Variants in KCNK10 observed in about 807,000 individuals in gnomAD.
KCNK10 encodes potassium two pore domain channel subfamily K member 10.
A neutral mutation model predicts 47.7 loss-of-function variants in KCNK10; 25 were observed. The observed-to-expected ratio is 0.52, with a 90% CI of 0.38 to 0.73. The LOEUF (loss-of-function observed/expected upper bound fraction) is 0.73. Ranked by LOEUF, KCNK10 falls within the 30% of genes least tolerant of loss-of-function variation. KCNK10 has a pLI of 0.00. For synonymous variants in KCNK10, 303 were observed against 285.6 expected (o/e 1.06, Z -0.61); for missense variants, 563 against 714.5 (o/e 0.79, Z 2.42).
intron 1 of KCNK10, among the ~76,000 whole-genome samples, chr14:88,275,266 A>G (rs1038941405): frequency 1.3e-5 from 2 of 149,680 alleles, no homozygotes; most frequent in African/African-American, 2.5e-5. Flanking sequence ...TCCACTTCCT[A>G]CTCTTCCCCG....
chr14:88,250,345 G>A (rs531888624), intron 2 of KCNK10, among the ~76,000 whole-genome samples: 6 of 152,266 alleles, frequency 3.9e-5, no homozygotes, highest in South Asian at 2.1e-4. Context: ...CATCTTTTGC[G>A]TGACTGCCTT....
intron 1 of KCNK10, among the ~76,000 whole-genome samples, chr14:88,309,087 C>G (rs1338730026): frequency 6.6e-6 from 1 of 152,192 alleles, no homozygotes; most frequent in Non-Finnish European, 1.5e-5. Flanking sequence ...GCTGTACCTC[C>G]AGGGCCTACA....
Position 88,300,051 on chromosome 14 carries a change from C to T in KCNK10, c.52+22696G>A, listed in dbSNP as rs531223643. Among the ~76,000 whole-genome samples, 14 of 152,270 alleles carry T rather than the reference C, an allele frequency of 9.2e-5. No homozygotes were observed. The South Asian group carries it at 1.9e-3, about 20-fold the overall frequency. On this transcript the variant is annotated intron_variant, in intron 1 of 6. Coordinates refer to ENST00000319231, the MANE Select transcript of KCNK10 (RefSeq NM_138317.3). ...GTACTCAGAAACCCCAAATAGCTCC[C>T]GGCCAGCCTAATCTCACTTCCTCTA...
chr14:88,203,862 G>A lies in KCNK10; in HGVS notation c.682-11452C>T, dbSNP rs909045864. Among the ~76,000 whole-genome samples the A allele has an allele frequency of 3.9e-5, 6 of 152,176 alleles. 1 individual carries two copies. In the South Asian group the frequency reaches 6.2e-4, roughly 16 times the overall value. ...AAGGCACAGGCTGTGGCCAGGACACGGTGACAACCCCTGCCAGTACCCGAG... is the reference window on the plus strand; with the variant it reads ...AAGGCACAGGCTGTGGCCAGGACACAGTGACAACCCCTGCCAGTACCCGAG... On this transcript the variant is annotated intron_variant, in intron 4 of 6. Coordinates refer to ENST00000319231, the MANE Select transcript of KCNK10 (RefSeq NM_138317.3).
At chr14:88,231,590 T>A (rs756901250) in intron 3 of KCNK10, among the ~76,000 whole-genome samples, 9 of 152,190 alleles carry the variant, frequency 5.9e-5, no homozygotes, top group Non-Finnish European at 1.2e-4. Flanking sequence ...GAAGTGAGCA[T>A]CATTCATCCA....
intron 1 of KCNK10, among the ~76,000 whole-genome samples, chr14:88,292,601 TC>T (rs1449385995): frequency 1.3e-5 from 2 of 152,090 alleles, no homozygotes; most frequent in Non-Finnish European, 2.9e-5. Context: ...TGTACCCACC[TC>T]GGCCTCCCAG....
chr14:88,263,761 T>TA (rs375830630), intron 1 of KCNK10, among the ~76,000 whole-genome samples: 1,461 of 145,328 alleles, frequency 0.01, 9 homozygotes, highest in African/African-American at 0.023. Context: ...GGTCCCAGTT[T>TA]AAAAAAAAAA....
intron 1 of KCNK10, chr14:88,271,016 C>G (rs1419267742): frequency 1.5e-5 from 9 of 590,488 alleles, no homozygotes; most frequent in Admixed American, 1.5e-4. Context: ...CCAGCAGCAC[C>G]CAGACCCGCT....
chr14:88,318,081 C>T (rs1686520937), intron 1 of KCNK10, among the ~76,000 whole-genome samples: 1 of 152,210 alleles, frequency 6.6e-6, no homozygotes, highest in African/African-American at 2.4e-5. Context: ...AGAAGGAAAA[C>T]AGCGCACTGG....
intron 2 of KCNK10, among the ~76,000 whole-genome samples, chr14:88,241,464 A>T (rs1886465334): frequency 1.3e-5 from 2 of 152,206 alleles, no homozygotes; most frequent in South Asian, 4.2e-4. Context: ...AACAGTAGCC[A>T]ATTTCATGAT....
intron 2 of KCNK10, among the ~76,000 whole-genome samples, chr14:88,257,235 T>C (rs541632418): frequency 6.6e-6 from 1 of 152,314 alleles, no homozygotes; most frequent in South Asian, 2.1e-4. Context: ...TAAAAGGTTT[T>C]TTCAGCAGCC....
At chr14:88,301,798 G>A (rs996678539) in intron 1 of KCNK10, among the ~76,000 whole-genome samples, 9 of 151,230 alleles carry the variant, frequency 6.0e-5, no homozygotes, top group Middle Eastern at 3.4e-3. Flanking sequence ...CAGCACTCAG[G>A]GTGCTGCAGG....
chr14:88,311,383 C>T (rs1888325761), intron 1 of KCNK10, among the ~76,000 whole-genome samples: 1 of 152,162 alleles, frequency 6.6e-6, no homozygotes, highest in Admixed American at 6.5e-5. Flanking sequence ...CCCTACATGA[C>T]CTGAGCATCA....
At chr14:88,313,608 A>G (rs552486797) in intron 1 of KCNK10, among the ~76,000 whole-genome samples, 8 of 152,290 alleles carry the variant, frequency 5.3e-5, no homozygotes, top group African/African-American at 1.7e-4. Context: ...TGCAAGTCAC[A>G]TGAGCACACC....
intron 2 of KCNK10, among the ~76,000 whole-genome samples, chr14:88,246,451 A>C (rs1886644491): frequency 6.6e-6 from 1 of 152,220 alleles, no homozygotes; most frequent in South Asian, 2.1e-4. Context: ...TTTATGGCCG[A>C]AGAGCCTCGG....
intron 2 of KCNK10, among the ~76,000 whole-genome samples, chr14:88,255,594 A>G (rs1886930729): frequency 6.6e-6 from 1 of 152,044 alleles, no homozygotes; most frequent in South Asian, 2.1e-4. Flanking sequence ...TCCCACAGAC[A>G]GACAGTGTCC....
Position 88,180,233 on chromosome 14 carries a change from C to T in KCNK10, c.*5302G>A, listed in dbSNP as rs1025599681. On this transcript the variant is annotated 3_prime_UTR_variant, in exon 7 of 7. Transcript: ENST00000319231. ...CACAAGCAAATTTGTTTTGTACTTTCCCTAAGAACATTATGAAATCTCCCT... is the reference window on the plus strand; with the variant it reads ...CACAAGCAAATTTGTTTTGTACTTTTCCTAAGAACATTATGAAATCTCCCT... 6.6e-6 allele frequency: 1 copy of T among 152,310 alleles called. No individual in the cohort carries two copies. The highest frequency in any genetic ancestry group is 2.4e-5 in the African/African-American group (1 of 41,426). The allele number at this position is 152,310 out of a possible 1,614,324, so 9.4% of individuals were successfully genotyped here.
At position 88,182,141 on chromosome 14, in the gene KCNK10, T is replaced by C. The variant is rs953168956; in HGVS notation, c.*3394A>G. 1.3e-5 allele frequency: 2 copies of C among 152,194 alleles called. No individual in the cohort carries two copies. Among genetic ancestry groups the C allele is most frequent in the Non-Finnish European group, 2.9e-5 (2 of 68,128 alleles). 9.4% of individuals were successfully genotyped at this position (152,194 alleles called of 1,614,324 possible). A position where few individuals can be genotyped will look rare whatever the true frequency, so the allele number is the denominator to read the frequency against. ...ATCACTGTTGGGTTAGGACTGGGTATGGAGCTGTACTCTTTCCAGGAAAAA... is the reference window on the plus strand; with the variant it reads ...ATCACTGTTGGGTTAGGACTGGGTACGGAGCTGTACTCTTTCCAGGAAAAA... On this transcript the variant is annotated 3_prime_UTR_variant, in exon 7 of 7. Transcript: ENST00000319231.
chr14:88,198,993 C>T (rs555433482), intron 4 of KCNK10, among the ~76,000 whole-genome samples: 31 of 150,844 alleles, frequency 2.1e-4, no homozygotes, highest in African/African-American at 7.1e-4. Flanking sequence ...AAACTCAGCT[C>T]ACTGCAACTT....
Sources: allele counts gnomAD v4.1 joint callset (sites outside exome capture counted in the v4.1 genomes callset), GRCh38; gene constraint gnomAD v4.1.1; transcripts MANE v1.5; gene names NCBI Gene and HGNC (gene_info 2026-07-23, HGNC 2026-07-21).